Variants in KSR2 observed in about 807,000 individuals in gnomAD.
KSR2 encodes kinase suppressor of ras 2.
KSR2 carries 25 observed loss-of-function variants against 107.8 expected under a neutral mutation model. The ratio of observed to expected loss-of-function variants is 0.23; its 90% CI spans 0.17 to 0.32. The LOEUF is 0.32. Among genes scored for constraint, KSR2 ranks in the 10% least tolerant of loss-of-function variants. KSR2 has a pLI of 1.00. For synonymous variants in KSR2, 480 were observed against 507.0 expected (o/e 0.95, Z 0.71); for missense variants, 887 against 1,268.9 (o/e 0.70, Z 4.57).
At chr12:117,827,029 T>A (rs1891781216) in intron 3 of KSR2, among the ~76,000 whole-genome samples, 2 of 118,140 alleles carry the variant, frequency 1.7e-5, no homozygotes, top group African/African-American at 4.0e-5. Flanking sequence ...AGTGAGACCC[T>A]GTCTCAAAAA....
chr12:117,950,749 AAAT>A (rs10700691), intron 1 of KSR2, among the ~76,000 whole-genome samples: 46 of 132,130 alleles, frequency 3.5e-4, no homozygotes, highest in Admixed American at 1.6e-3. Context: ...AAAAAAAAAA[AAAT>A]AATAATAATA....
intron 1 of KSR2, among the ~76,000 whole-genome samples, chr12:117,942,306 G>A (rs769847811): frequency 1.3e-5 from 2 of 151,810 alleles, no homozygotes; most frequent in African/African-American, 2.4e-5. Context: ...AGCCTACTGC[G>A]CTATCAAACA....
intron 3 of KSR2, among the ~76,000 whole-genome samples, chr12:117,769,473 G>A (rs116130508): frequency 0.045 from 6,826 of 152,176 alleles, 285 homozygotes; most frequent in African/African-American, 0.11. Context: ...CTAAGTCAAC[G>A]CCAACACTTA....
intron 4 of KSR2, among the ~76,000 whole-genome samples, chr12:117,746,787 T>C (rs939929649): frequency 1.3e-5 from 2 of 148,910 alleles, no homozygotes; most frequent in African/African-American, 5.0e-5. Context: ...CAGACACTTC[T>C]GAAAAGAAGA....
At chr12:117,565,847 T>C (rs1565903111) in intron 7 of KSR2, among the ~76,000 whole-genome samples, 1 of 152,184 alleles carries the variant, frequency 6.6e-6, no homozygotes, top group Non-Finnish European at 1.5e-5. Context: ...ATTCTAAGTC[T>C]TCTATGTGCA....
intron 5 of KSR2, among the ~76,000 whole-genome samples, chr12:117,666,554 G>A (rs1457820003): frequency 1.3e-5 from 2 of 152,154 alleles, no homozygotes; most frequent in African/African-American, 2.4e-5. Context: ...TGTACAATGG[G>A]AATAATCCAT....
At chr12:117,637,796 C>T (rs7963675) in intron 5 of KSR2, among the ~76,000 whole-genome samples, 24,926 of 149,464 alleles carry the variant, frequency 0.17, 2,138 homozygotes, top group Middle Eastern at 0.24. Context: ...ATTCTCCTGC[C>T]TCAGTCTTAT....
chr12:117,854,082 C>G (rs1050307263), intron 3 of KSR2, among the ~76,000 whole-genome samples: 1 of 152,142 alleles, frequency 6.6e-6, no homozygotes, highest in Non-Finnish European at 1.5e-5. Flanking sequence ...CTCACTGCAG[C>G]CTCAATCAAT....
Position 117,720,679 on chromosome 12 carries a change from C to T in KSR2, c.986+40332G>A, listed in dbSNP as rs78837350. Among the ~76,000 whole-genome samples the T allele has an allele frequency of 4.8e-3, 738 of 152,258 alleles. 8 individuals are homozygous for T. Among genetic ancestry groups the T allele is most frequent in the African/African-American group, 0.016 (674 of 41,536 alleles). Reference sequence around the variant, plus strand: ...TCAGACTGCTTATTACACAGATGAACGTCTAATCATACATCACGATAAATG... The same window carrying T: ...TCAGACTGCTTATTACACAGATGAATGTCTAATCATACATCACGATAAATG... On this transcript the variant is annotated intron_variant, in intron 4 of 19. Transcript: ENST00000339824.
At chr12:117,813,258 G>C (rs1891263108) in intron 3 of KSR2, among the ~76,000 whole-genome samples, 1 of 151,990 alleles carries the variant, frequency 6.6e-6, no homozygotes, top group African/African-American at 2.4e-5. Flanking sequence ...ATAAATACAG[G>C]CAACAAAAGC....
At chr12:117,824,611 C>T (rs1891673874) in intron 3 of KSR2, among the ~76,000 whole-genome samples, 1 of 152,090 alleles carries the variant, frequency 6.6e-6, no homozygotes, top group South Asian at 2.1e-4. Flanking sequence ...AATCCCAGCA[C>T]TTTGGGAGGC....
intron 14 of KSR2, among the ~76,000 whole-genome samples, chr12:117,515,664 G>A (rs916802395): frequency 6.6e-6 from 1 of 152,174 alleles, no homozygotes; most frequent in Non-Finnish European, 1.5e-5. Flanking sequence ...GGTGGCTCAC[G>A]CCTGTAATCC....
chr12:117,724,578 G>GC (rs751882143), intron 4 of KSR2, among the ~76,000 whole-genome samples: 296 of 57,384 alleles, frequency 5.2e-3, no homozygotes, highest in African/African-American at 0.018. Flanking sequence ...AAAAAAACCT[G>GC]CCCCCCCACC....
chr12:117,564,736 C>G (rs1171170280), intron 7 of KSR2, among the ~76,000 whole-genome samples: 1 of 151,972 alleles, frequency 6.6e-6, no homozygotes, highest in African/African-American at 2.4e-5. Context: ...TTGAAAGGTG[C>G]CTGGTGTGTA....
intron 1 of KSR2, among the ~76,000 whole-genome samples, chr12:117,938,186 C>T (rs1895902946): frequency 6.6e-6 from 1 of 152,140 alleles, no homozygotes; most frequent in Admixed American, 6.6e-5. Context: ...GACGTGAAGG[C>T]ATGTATTCTG....
At chr12:117,538,078 G>C (rs1207982988) in intron 10 of KSR2, among the ~76,000 whole-genome samples, 1 of 148,080 alleles carries the variant, frequency 6.8e-6, no homozygotes, top group East Asian at 2.0e-4. Context: ...CCCCAGGTGT[G>C]GGTGGTCATG....
chr12:117,930,729 A>G (rs537280072), intron 1 of KSR2, among the ~76,000 whole-genome samples: 6 of 152,294 alleles, frequency 3.9e-5, no homozygotes, highest in Non-Finnish European at 7.3e-5. Flanking sequence ...CAGCCTGGCC[A>G]ACAGTGAAAC....
At chr12:117,497,389 G>C (rs556902656) in intron 14 of KSR2, among the ~76,000 whole-genome samples, 47 of 152,206 alleles carry the variant, frequency 3.1e-4, no homozygotes, top group African/African-American at 1.1e-3. Flanking sequence ...GGCAGCAGGG[G>C]CCCCCTTCCC....
At chr12:117,529,894 A>G (rs966673307) in intron 12 of KSR2, among the ~76,000 whole-genome samples, 8 of 151,914 alleles carry the variant, frequency 5.3e-5, no homozygotes, top group African/African-American at 1.9e-4. Context: ...GGTGGCACAC[A>G]CCTGTAATCC....
Sources: allele counts gnomAD v4.1 joint callset (sites outside exome capture counted in the v4.1 genomes callset), GRCh38; gene constraint gnomAD v4.1.1; transcripts MANE v1.5; gene names NCBI Gene and HGNC (gene_info 2026-07-23, HGNC 2026-07-21).